PCDH15: variants seen among roughly 807,000 people sequenced by gnomAD.
PCDH15 encodes the protein protocadherin-15.
A neutral mutation model predicts 178.5 loss-of-function variants in PCDH15; 129 were observed. The ratio of observed to expected loss-of-function variants is 0.72; its 90% CI spans 0.63 to 0.84. The LOEUF is 0.84. Among genes scored for constraint, PCDH15 ranks in the 40% least tolerant of loss-of-function variants. The pLI is 0.00. For missense variants in PCDH15, 2,230 were observed against 2,099.9 expected (o/e 1.06, Z -1.21); for synonymous variants, 800 against 732.0 (o/e 1.09, Z -1.50).
Position 54,134,363 on chromosome 10 carries a change from C to G in PCDH15, c.1785-1356G>C, listed in dbSNP as rs1350070774. 2.3e-5 allele frequency among the ~76,000 whole-genome samples: 2 copies of G among 88,034 alleles called. 1 individual carries two copies. Among genetic ancestry groups the G allele is most frequent in the East Asian group, 0.02 (2 of 98 alleles). The allele number at this position is 88,034 out of a possible 152,430, so 57.8% of individuals were successfully genotyped here. A position where few individuals can be genotyped will look rare whatever the true frequency, so the allele number is the denominator to read the frequency against. ...GGCCTAGAATCTCCTTAAAGTAGTCCCAAACTCTTTATAAGATGCTTCAAT... is the reference window on the plus strand; with the variant it reads ...GGCCTAGAATCTCCTTAAAGTAGTCGCAAACTCTTTATAAGATGCTTCAAT... On this transcript the variant is annotated intron_variant, in intron 14 of 37. Coordinates refer to ENST00000644397, the MANE Select transcript of PCDH15 (RefSeq NM_001384140.1).
intron 2 of PCDH15, among the ~76,000 whole-genome samples, chr10:54,595,766 AC>A (rs1423635874): frequency 1.3e-5 from 2 of 152,152 alleles, no homozygotes; most frequent in African/African-American, 2.4e-5. Context: ...AAACAAACAA[AC>A]AAAAAACATA....
Position 54,090,042 on chromosome 10 carries a change from A to G in PCDH15, c.1939T>C (p.Ser647Pro). The change falls in exon 16 of 38, where the codon TCA (serine) becomes CCA (proline). Residue 647 changes from serine (S) to proline (P), a missense_variant. Coordinates refer to ENST00000644397, the MANE Select transcript of PCDH15 (RefSeq NM_001384140.1). Reference sequence around the variant, plus strand: ...CCATTCTCAATGGCATATGTTATTGAGTCTCCCTCTCGATCAGTTGCCTTC... The same window carrying G: ...CCATTCTCAATGGCATATGTTATTGGGTCTCCCTCTCGATCAGTTGCCTTC... ...NLQATDREGD[S>P]ITYAIENGDP... The G allele has an allele frequency of 1.2e-6, 2 of 1,612,152 alleles. No homozygotes were observed. Among genetic ancestry groups the G allele is most frequent in the Non-Finnish European group, 1.7e-6 (2 of 1,178,604 alleles).
intron 2 of PCDH15, among the ~76,000 whole-genome samples, chr10:55,345,773 C>T (rs990216053): frequency 7.1e-6 from 1 of 140,172 alleles, no homozygotes; most frequent in African/African-American, 2.4e-5. Context: ...TTCTTATACA[C>T]TCTACTGAAT....
intron 13 of PCDH15, among the ~76,000 whole-genome samples, chr10:54,155,223 C>A (rs2044984304): frequency 6.6e-6 from 1 of 152,112 alleles, no homozygotes; most frequent in Non-Finnish European, 1.5e-5. Flanking sequence ...TTAACATTTT[C>A]ATAAATGATG....
intron 28 of PCDH15, among the ~76,000 whole-genome samples, chr10:53,845,935 A>G (rs76034996): frequency 0.024 from 3,587 of 151,820 alleles, 71 homozygotes; most frequent in African/African-American, 0.042. Context: ...ATGCTGATTT[A>G]TCAGTACACA....
chr10:54,724,960 GCA>G (rs1308649191), intron 1 of PCDH15, among the ~76,000 whole-genome samples: 2 of 145,934 alleles, frequency 1.4e-5, no homozygotes, highest in African/African-American at 2.6e-5. Context: ...GCACACCTAT[GCA>G]CACATACATA....
chr10:54,327,779 T>C (rs1243643274), intron 7 of PCDH15, among the ~76,000 whole-genome samples: 1 of 152,066 alleles, frequency 6.6e-6, no homozygotes, highest in Non-Finnish European at 1.5e-5. Flanking sequence ...TTAGGAGTCA[T>C]TAAAGGCACA....
intron 3 of PCDH15, among the ~76,000 whole-genome samples, chr10:54,511,859 G>C (rs1255692993): frequency 6.6e-6 from 1 of 151,958 alleles, no homozygotes; most frequent in Non-Finnish European, 1.5e-5. Context: ...GTCAAATAAG[G>C]TATGTGAGTG....
At chr10:55,505,832 G>T (rs1012062411) in intron 2 of PCDH15, among the ~76,000 whole-genome samples, 2 of 151,404 alleles carry the variant, frequency 1.3e-5, no homozygotes, top group Admixed American at 6.6e-5. Flanking sequence ...TGTCTTAAGA[G>T]AATTCTGTCC....
chr10:54,747,506 G>T (rs969856471), intron 1 of PCDH15, among the ~76,000 whole-genome samples: 2 of 152,170 alleles, frequency 1.3e-5, no homozygotes, highest in Admixed American at 6.5e-5. Context: ...AGAGGAAAAT[G>T]TTCCACATAA....
At chr10:54,255,707 G>A (rs1380642069) in intron 8 of PCDH15, among the ~76,000 whole-genome samples, 1 of 152,050 alleles carries the variant, frequency 6.6e-6, no homozygotes, top group Admixed American at 6.6e-5. Context: ...TTTCAAGTGT[G>A]TAGTATCATG....
intron 2 of PCDH15, among the ~76,000 whole-genome samples, chr10:54,605,326 C>T (rs1031376441): frequency 6.6e-6 from 1 of 151,854 alleles, no homozygotes; most frequent in African/African-American, 2.4e-5. Context: ...TATGACAAGT[C>T]TAGTGGCAAT....
chr10:54,701,094 T>G (rs1180738420), intron 1 of PCDH15, among the ~76,000 whole-genome samples: 1 of 152,106 alleles, frequency 6.6e-6, no homozygotes, highest in African/African-American at 2.4e-5. Context: ...TTCAGATTTC[T>G]TCCTACATAA....
chr10:54,853,460 CATAT>C (rs71888268), intron 3 of PCDH15, among the ~76,000 whole-genome samples: 6 of 140,504 alleles, frequency 4.3e-5, no homozygotes, highest in East Asian at 2.0e-4. Flanking sequence ...TATACACATA[CATAT>C]ATATATATAT....
intron 2 of PCDH15, among the ~76,000 whole-genome samples, chr10:55,131,939 C>T (rs1838059107): frequency 6.6e-6 from 1 of 152,138 alleles, no homozygotes; most frequent in African/African-American, 2.4e-5. Context: ...CAATAGGGAC[C>T]TACCCCTTTC....
chr10:55,109,697 T>C (rs1422554420), intron 2 of PCDH15, among the ~76,000 whole-genome samples: 1 of 152,116 alleles, frequency 6.6e-6, no homozygotes, highest in East Asian at 1.9e-4. Flanking sequence ...CCTATGTTAA[T>C]TTTATTGTAC....
chr10:54,796,493 A>G (rs1024712689), intron 1 of PCDH15, among the ~76,000 whole-genome samples: 3 of 150,884 alleles, frequency 2.0e-5, no homozygotes, highest in African/African-American at 7.3e-5. Context: ...CTTTCTGGCA[A>G]TCTGTCTATT....
intron 2 of PCDH15, among the ~76,000 whole-genome samples, chr10:54,532,189 T>C (rs1338826807): frequency 6.6e-6 from 1 of 152,176 alleles, no homozygotes; most frequent in Non-Finnish European, 1.5e-5. Flanking sequence ...TCTTTATAAT[T>C]AAAACCTTGC....
intron 2 of PCDH15, among the ~76,000 whole-genome samples, chr10:55,394,932 C>T (rs1346394897): frequency 6.6e-6 from 1 of 151,972 alleles, no homozygotes; most frequent in Non-Finnish European, 1.5e-5. Context: ...GCTTCCTGCA[C>T]CAAATTCTAA....
Sources: allele counts gnomAD v4.1 joint callset (sites outside exome capture counted in the v4.1 genomes callset), GRCh38; gene constraint gnomAD v4.1.1; transcripts MANE v1.5; gene names NCBI Gene and HGNC (gene_info 2026-07-23, HGNC 2026-07-21).